The following ELAC2 variants were observed in gnomAD, a reference collection of about 807,000 sequenced individuals.
The protein encoded by ELAC2 is zinc phosphodiesterase ELAC protein 2.
In ELAC2, 92 loss-of-function variants were observed where a neutral mutation model predicts 105.2. The ratio of observed to expected loss-of-function variants is 0.87; its 90% confidence interval spans 0.74 to 1.04. The LOEUF (loss-of-function observed/expected upper bound fraction) is 1.04, where lower values mean the gene tolerates loss of function less well. Ranked by LOEUF, ELAC2 falls within the 50% of genes least tolerant of loss-of-function variation. ELAC2 has a pLI of 0.00. For missense variants in ELAC2, 1,099 were observed against 1,071.7 expected, an observed-to-expected ratio of 1.03 and a Z score of -0.36; for synonymous variants, 468 against 409.1, an observed-to-expected ratio of 1.14 and a Z score of -1.74.
chr17:12,998,392 T>C lies in ELAC2; in HGVS notation c.1520+20A>G. 1.2e-6 allele frequency: 2 copies of C among 1,611,854 alleles called. No homozygotes were observed. Among genetic ancestry groups the C allele is most frequent in the Non-Finnish European group, 1.7e-6 (2 of 1,177,874 alleles). On this transcript the variant is annotated intron_variant, in intron 16 of 23. Coordinates refer to ENST00000338034, the MANE Select transcript of ELAC2 (RefSeq NM_018127.7). Reference sequence around the variant, plus strand: ...AAACGTGCCCTTGATGGAAGGATGCTTCCTGGGAAAGCAGCATACCTTATG... The same window carrying C: ...AAACGTGCCCTTGATGGAAGGATGCCTCCTGGGAAAGCAGCATACCTTATG...
At chr17:13,003,713 T>A (rs2040953819) in intron 11 of ELAC2, 139 bp from the exon 12 acceptor site, 2 of 738,254 alleles carry the variant, frequency 2.7e-6, no homozygotes, top group African/African-American at 3.4e-5. Flanking sequence ...CAGGCCATGC[T>A]CTCACAGCAG....
Position 13,003,515 on chromosome 17 carries a change from A to G in ELAC2, c.1043T>C (p.Val348Ala). The G allele has an allele frequency of 6.2e-7, 1 of 1,614,108 alleles. No homozygotes were observed. The highest frequency in any genetic ancestry group is 1.1e-5 in the South Asian group (1 of 91,074). The change falls in exon 12 of 24, where the codon GTG becomes GCG. Residue 348 changes from valine (V) to alanine (A), a missense_variant. Transcript: ENST00000338034. ...ALVVHMAPAS[V>A]LVDSRYQQWM... ...CTGCTGGTACCTGCTGTCCACAAGC[A>G]CAGATGCTGGGGCCATGTGAACCAC...
chr17:13,008,287 G>A (rs772922931), intron 8 of ELAC2, among the ~76,000 whole-genome samples: 5 of 151,486 alleles, frequency 3.3e-5, no homozygotes, highest in East Asian at 2.0e-4. Context: ...CAAGGCAGGC[G>A]GATCAGGAAA....
In ELAC2 at chr17:12,994,497, T is replaced by C. The variant is rs749721094; in HGVS notation, c.2036A>G (p.Asp679Gly). The change falls in exon 22 of 24, where the codon GAT (aspartate) becomes GGT (glycine). Residue 679 changes from aspartate (D) to glycine (G), a missense_variant. Asp to Gly is a moderately conservative substitution (Grantham distance 94). Transcript: ENST00000338034. ...PCEALVRMGK[D>G]ATLLIHEATL... ...GGCTTCATGTATCAGGAGGGTGGCA[T>C]CTTTCCCTGGAGAAGCAGCACAAGG... is the stretch of plus-strand genomic sequence containing the variant. The C allele has an allele frequency of 6.2e-7, 1 of 1,614,154 alleles. No individual in the cohort carries two copies. Among genetic ancestry groups the C allele is most frequent in the Non-Finnish European group, 8.5e-7 (1 of 1,180,030 alleles).
At chr17:12,993,203 T>C (rs1000147076) in intron 23 of ELAC2, among the ~76,000 whole-genome samples, 158 bp from the exon 24 acceptor site, 2 of 152,284 alleles carry the variant, frequency 1.3e-5, no homozygotes, top group Admixed American at 1.3e-4. Flanking sequence ...AAGAATGGCA[T>C]GGAGGGAACC....
At chr17:13,007,929 G>A (rs999334584) in intron 8 of ELAC2, among the ~76,000 whole-genome samples, 1 of 151,168 alleles carries the variant, frequency 6.6e-6, no homozygotes, top group African/African-American at 2.4e-5. Flanking sequence ...GGCTGGGCAT[G>A]GTGGTTCACT....
chr17:13,014,526 T>C (rs1452719523), intron 4 of ELAC2, 30 bp from the exon 5 acceptor site: 10 of 1,544,968 alleles, frequency 6.5e-6, no homozygotes, highest in East Asian at 4.5e-5. Flanking sequence ...TGAGCAGTTA[T>C]GGTTGAACAA....
Position 13,014,290 on chromosome 17 carries a change from CAAAAAAAAAAAA to C in ELAC2, c.490+137_490+148del, listed in dbSNP as rs959230890. 9 of 376,598 alleles carry C rather than the reference CAAAAAAAAAAAA, an allele frequency of 2.4e-5. No homozygotes were observed. In the African/African-American group the frequency reaches 2.5e-4, roughly 11 times the overall value. The allele number at this position is 376,598 out of a possible 1,614,324, so 23.3% of individuals were successfully genotyped here. On this transcript the variant is annotated intron_variant, in intron 5 of 23. Transcript: ENST00000338034. ...CCTGGTAAGAAAGCAAGACTCTATC[CAAAAAAAAAAAA>C]AAAAAAAAAAATCTCGTGGTGATGA...
intron 17 of ELAC2, 96 bp from the exon 18 acceptor site, chr17:12,996,074 CCGA>C: frequency 7.4e-7 from 1 of 1,343,040 alleles, no homozygotes; most frequent in South Asian, 1.3e-5. Flanking sequence ...AGTTGCCAGC[CCGA>C]CGTCACCCAC....
intron 16 of ELAC2, among the ~76,000 whole-genome samples, chr17:12,997,340 C>A (rs1010407605): frequency 2.6e-5 from 4 of 152,206 alleles, no homozygotes; most frequent in Non-Finnish European, 4.4e-5. Flanking sequence ...AGAGTGCTGA[C>A]CCGCTCTGGC....
chr17:13,010,746 G>A (rs530667498), intron 7 of ELAC2, 75 bp from the exon 8 acceptor site: 23 of 1,324,702 alleles, frequency 1.7e-5, no homozygotes, highest in African/African-American at 1.4e-4. Flanking sequence ...ATTATGACCC[G>A]ATACCTAATT....
chr17:13,007,512 T>C (rs950277463), intron 8 of ELAC2, among the ~76,000 whole-genome samples: 1 of 152,218 alleles, frequency 6.6e-6, no homozygotes, highest in Non-Finnish European at 1.5e-5. Context: ...CTAACAACCA[T>C]GTCACGACCC....
chr17:13,006,259 A>C, intron 8 of ELAC2: 1 of 413,770 alleles, frequency 2.4e-6, no homozygotes, highest in Non-Finnish European at 4.5e-6. Flanking sequence ...AATCCCAGCA[A>C]CTCAGGAAGC....
At chr17:12,993,956 G>C (rs1016822514) in intron 22 of ELAC2, 125 bp from the exon 23 acceptor site, 19 of 1,363,444 alleles carry the variant, frequency 1.4e-5, no homozygotes, top group Non-Finnish European at 1.9e-5. Context: ...TTTCTTAACG[G>C]GCACCTCCGT....
intron 11 of ELAC2, 64 bp from the exon 12 acceptor site, chr17:13,003,638 C>A (rs189752142): frequency 6.8e-7 from 1 of 1,469,962 alleles, no homozygotes; most frequent in South Asian, 1.1e-5. Context: ...ACAGGGACCA[C>A]GCAGCCAGGG....
intron 14 of ELAC2, among the ~76,000 whole-genome samples, chr17:13,001,841 G>A (rs73981618): frequency 6.6e-6 from 1 of 152,170 alleles, no homozygotes; most frequent in Non-Finnish European, 1.5e-5. Flanking sequence ...TACAGGAAAA[G>A]ACTGACAATA....
chr17:13,000,549 AC>A lies in ELAC2; in HGVS notation c.1305-276del, dbSNP rs1338000524. 1.1e-5 allele frequency: 5 copies of A among 462,258 alleles called. No individual in the cohort carries two copies. The Admixed American group carries it at 1.6e-4, about 15-fold the overall frequency. The allele number at this position is 462,258 out of a possible 1,614,324, so 28.6% of individuals were successfully genotyped here. ...GCCAGTGCTGCTGTCCTGGTGCAGT[AC>A]CCCTGACCTCTACCCACTAGCAGCA... is the stretch of plus-strand genomic sequence containing the variant. On this transcript the variant is annotated intron_variant, in intron 14 of 23. Transcript: ENST00000338034.
intron 11 of ELAC2, 35 bp downstream of exon 11, chr17:13,004,954 C>T: frequency 6.6e-7 from 1 of 1,520,638 alleles, no homozygotes; most frequent in South Asian, 1.1e-5. Flanking sequence ...TGGGTTTCAG[C>T]TCTCACTTCT....
rs71144943 is a variant in ELAC2 at position 12,992,127 on chromosome 17, TTTGATTGA to T, written c.*683_*690del. On this transcript the variant is annotated 3_prime_UTR_variant, in exon 24 of 24. Transcript: ENST00000338034. ...GCCCAGCCAGGCTCTCACTGATTGA[TTTGATTGA>T]TTGATTGATTGATTGATAGAGAAAG... Among the ~76,000 whole-genome samples, 13,664 of 150,722 alleles carry T rather than the reference TTTGATTGA, an allele frequency of 0.091. 828 individuals are homozygous for T. The highest frequency in any genetic ancestry group is 0.21 in the Middle Eastern group (61 of 294).
Sources: allele counts gnomAD v4.1 joint callset (sites outside exome capture counted in the v4.1 genomes callset), GRCh38; gene constraint gnomAD v4.1.1; transcripts MANE v1.5; gene names NCBI Gene and HGNC (gene_info 2026-07-23, HGNC 2026-07-21).